The following CCR5AS variants were observed in gnomAD, a reference collection of about 807,000 sequenced individuals.
CCR5AS encodes CCR5 antisense RNA.
At chr3:46,372,959 C>T (rs1701684705) in intron 2 of CCR5AS, 1 of 1,612,678 alleles carries the variant, frequency 6.2e-7, no homozygotes, top group Non-Finnish European at 8.5e-7. Flanking sequence ...CATCGGAGCC[C>T]TGCCAAAAAA....
intron 3 of CCR5AS, among the ~76,000 whole-genome samples, chr3:46,370,138 A>G (rs1299798393): frequency 1.3e-5 from 2 of 152,170 alleles, no homozygotes; most frequent in African/African-American, 4.8e-5. Flanking sequence ...AAAATTTCTC[A>G]TAGCTTCAGA....
chr3:46,393,706 G>A (rs1452802644), intron 1 of CCR5AS, among the ~76,000 whole-genome samples: 1 of 152,168 alleles, frequency 6.6e-6, no homozygotes, highest in Non-Finnish European at 1.5e-5. Flanking sequence ...GAGCCAGAGA[G>A]GTCAAGAGGC....
At chr3:46,398,842 A>T (rs1167919378) in intron 1 of CCR5AS, among the ~76,000 whole-genome samples, 1 of 152,010 alleles carries the variant, frequency 6.6e-6, no homozygotes, top group African/African-American at 2.4e-5. Context: ...AATTCTCAGG[A>T]TTTCTTTATT....
At chr3:46,393,930 G>A (rs1167389467) in intron 1 of CCR5AS, among the ~76,000 whole-genome samples, 1 of 152,172 alleles carries the variant, frequency 6.6e-6, no homozygotes. Context: ...ACTTTTTCTA[G>A]AACCCATTTA....
At chr3:46,367,007 G>A (rs565123144) in intron 3 of CCR5AS, among the ~76,000 whole-genome samples, 40 of 152,092 alleles carry the variant, frequency 2.6e-4, no homozygotes, top group Non-Finnish European at 4.9e-4. Context: ...GGAAGAGCCC[G>A]ACTGTCAATG....
chr3:46,391,048 T>C (rs1701907481), intron 2 of CCR5AS, among the ~76,000 whole-genome samples: 1 of 152,204 alleles, frequency 6.6e-6, no homozygotes, highest in Non-Finnish European at 1.5e-5. Flanking sequence ...GCTGAGAAGA[T>C]CTGGGAAGGA....
intron 1 of CCR5AS, among the ~76,000 whole-genome samples, chr3:46,396,326 A>G (rs919450968): frequency 1.3e-5 from 2 of 151,964 alleles, no homozygotes; most frequent in African/African-American, 4.9e-5. Context: ...TAAGGGAGTG[A>G]GTGGGCAGTG....
chr3:46,384,196 C>A (rs1370201846), intron 2 of CCR5AS, among the ~76,000 whole-genome samples: 1 of 152,208 alleles, frequency 6.6e-6, no homozygotes, highest in Non-Finnish European at 1.5e-5. Context: ...GTCTGATTTA[C>A]TTAGGACCCG....
At chr3:46,370,311 C>A (rs902324802) in intron 3 of CCR5AS, among the ~76,000 whole-genome samples, 1 of 152,040 alleles carries the variant, frequency 6.6e-6, no homozygotes, top group Non-Finnish European at 1.5e-5. Flanking sequence ...TTTAGCTCAC[C>A]CGTGAGCCCA....
chr3:46,404,311 CTCTCTCTCTCTCTCTCT>C (rs1702027829), intron 1 of CCR5AS, among the ~76,000 whole-genome samples: 2 of 87,304 alleles, frequency 2.3e-5, no homozygotes, highest in East Asian at 3.0e-4. Flanking sequence ...CTCTCTCTCT[CTCTCTCTCTCTCTCTCT>C]TTTTTTTTTT....
chr3:46,369,080 G>C (rs1351279247), intron 3 of CCR5AS, among the ~76,000 whole-genome samples: 1 of 152,152 alleles, frequency 6.6e-6, no homozygotes, highest in Non-Finnish European at 1.5e-5. Flanking sequence ...TCTTTCAAAA[G>C]CACACTTTAT....
At chr3:46,394,418 C>A (rs907438413) in intron 1 of CCR5AS, among the ~76,000 whole-genome samples, 1 of 152,162 alleles carries the variant, frequency 6.6e-6, no homozygotes, top group African/African-American at 2.4e-5. Context: ...TTAGCATGGC[C>A]ACAGGAGAGT....
At chr3:46,393,684 G>A (rs190146610) in intron 1 of CCR5AS, among the ~76,000 whole-genome samples, 10 of 152,308 alleles carry the variant, frequency 6.6e-5, no homozygotes, top group Admixed American at 6.5e-4. Context: ...TGAGGTAAGA[G>A]TATGCAGATA....
At chr3:46,390,930 A>G (rs1256183024) in intron 2 of CCR5AS, among the ~76,000 whole-genome samples, 1 of 152,162 alleles carries the variant, frequency 6.6e-6, no homozygotes, top group Non-Finnish European at 1.5e-5. Context: ...CTCCGTATTG[A>G]TTAAGAAGGG....
At chr3:46,374,111 A>G (rs1701718561) in intron 2 of CCR5AS, 5 of 506,994 alleles carry the variant, frequency 9.9e-6, no homozygotes, top group Non-Finnish European at 1.8e-5. Context: ...TTTATTTGGC[A>G]TCTGTTTAAA....
intron 1 of CCR5AS, among the ~76,000 whole-genome samples, chr3:46,404,241 A>G (rs1036099264): frequency 6.6e-6 from 1 of 151,096 alleles, no homozygotes; most frequent in African/African-American, 2.4e-5. Flanking sequence ...GACAATGATC[A>G]TGAACTATTG....
chr3:46,404,383 G>A (rs912724180), intron 1 of CCR5AS, among the ~76,000 whole-genome samples: 6 of 141,330 alleles, frequency 4.2e-5, no homozygotes, highest in Admixed American at 7.5e-5. Context: ...CACCCAGGCC[G>A]GAGTGCAGTG....
intron 3 of CCR5AS, among the ~76,000 whole-genome samples, chr3:46,365,455 T>TA (rs1701590768): frequency 1.3e-5 from 2 of 152,240 alleles, no homozygotes; most frequent in African/African-American, 2.4e-5. Context: ...TATTGCATAC[T>TA]TAATAGACTA....
chr3:46,365,797 A>C (rs779255098), intron 3 of CCR5AS, among the ~76,000 whole-genome samples: 1 of 152,146 alleles, frequency 6.6e-6, no homozygotes, highest in Non-Finnish European at 1.5e-5. Context: ...GTAGGACCCA[A>C]TGTGACAGTT....
Sources: gnomAD v4.1 joint callset for allele counts (sites outside exome capture counted in the v4.1 genomes callset) on GRCh38, gnomAD v4.1.1 for gene constraint, MANE v1.5 for transcripts, NCBI Gene and HGNC (gene_info 2026-07-23, HGNC 2026-07-21) for gene names.